FIP1L1: variants seen among roughly 807,000 people sequenced by gnomAD.
FIP1L1 encodes pre-mRNA 3'-end-processing factor FIP1.
Under a neutral mutation model 84.6 loss-of-function variants are expected in FIP1L1, and 21 were observed. That is an observed-to-expected ratio of 0.25 (90% CI 0.18 to 0.36). FIP1L1 has a LOEUF of 0.36. FIP1L1 is among the 10% of genes least tolerant of loss of function. The probability of loss-of-function intolerance (pLI) is 1.00; values close to 1 mark genes in which losing one functional copy is unlikely to be tolerated. For synonymous variants in FIP1L1, 263 were observed against 242.3 expected (o/e 1.09, Z -0.80); for missense variants, 526 against 751.1 (o/e 0.70, Z 3.50).
intron 10 of FIP1L1, among the ~76,000 whole-genome samples, chr4:53,405,275 C>G (rs1560515117): frequency 2.6e-5 from 4 of 152,078 alleles, no homozygotes; most frequent in African/African-American, 7.2e-5. Context: ...AATCCTTTCC[C>G]CATTGCTTGT....
intron 4 of FIP1L1, 75 bp from the exon 5 acceptor site, chr4:53,383,698 C>A: frequency 7.3e-7 from 1 of 1,369,658 alleles, no homozygotes; most frequent in Non-Finnish European, 9.8e-7. Context: ...AGGGTGGTTA[C>A]TTTTTTTAGT....
intron 9 of FIP1L1, among the ~76,000 whole-genome samples, chr4:53,396,157 G>A (rs1747208419): frequency 1.3e-5 from 2 of 152,210 alleles, no homozygotes; most frequent in South Asian, 2.1e-4. Context: ...GACCTCAGGT[G>A]ATCCACCCGC....
chr4:53,405,768 C>T (rs1475710151), intron 10 of FIP1L1, among the ~76,000 whole-genome samples: 2 of 150,366 alleles, frequency 1.3e-5, no homozygotes, highest in African/African-American at 4.9e-5. Flanking sequence ...CTCTTTGTAG[C>T]AATTGTGAAT....
chr4:53,396,855 C>G (rs1747677187), intron 9 of FIP1L1, among the ~76,000 whole-genome samples: 1 of 152,146 alleles, frequency 6.6e-6, no homozygotes, highest in Non-Finnish European at 1.5e-5. Context: ...AACCAGTGAA[C>G]CATTTATTTT....
chr4:53,391,097 A>T lies in FIP1L1; in HGVS notation c.594A>T (p.Gly198=). 6.2e-7 allele frequency: 1 copy of T among 1,611,926 alleles called. No homozygotes were observed. ...YCEKQKRIRM[G]LEVIPVTSTT... ...AAAAACAAAAGAGGATACGAATGGGACTTGAAGTTATACCAGTAACCTCTA... is the reference window on the plus strand; with the variant it reads ...AAAAACAAAAGAGGATACGAATGGGTCTTGAAGTTATACCAGTAACCTCTA... Residue 198 remains glycine (G), a synonymous_variant, in exon 8 of 18, where the codon GGA becomes GGT. Coordinates refer to ENST00000337488, the MANE Select transcript of FIP1L1 (RefSeq NM_030917.4).
intron 11 of FIP1L1, among the ~76,000 whole-genome samples, chr4:53,425,432 G>A (rs998100101): frequency 2.6e-5 from 4 of 152,000 alleles, no homozygotes; most frequent in African/African-American, 7.2e-5. Context: ...AATATCTTGT[G>A]TATGTTAAAA....
At position 53,459,856 on chromosome 4, in the gene FIP1L1, T is replaced by TGAGA. The variant is rs769238111; in HGVS notation, c.*408_*411dup. The TGAGA allele has an allele frequency of 1.4e-4, 34 of 246,820 alleles. No individual in the cohort carries two copies. The highest frequency in any genetic ancestry group is 2.6e-4 in the Non-Finnish European group (33 of 126,774). 15.3% of individuals were successfully genotyped at this position (246,820 alleles called of 1,614,324 possible). A position where few individuals can be genotyped will look rare whatever the true frequency, so the allele number is the denominator to read the frequency against. On this transcript the variant is annotated 3_prime_UTR_variant, in exon 18 of 18. Transcript: ENST00000337488. ...GGCAACAAAGGGCCCCTCTAAGGCTTGAGATTAAAACTAGTCTTTATCATT... is the reference window on the plus strand; with the variant it reads ...GGCAACAAAGGGCCCCTCTAAGGCTTGAGAGAGATTAAAACTAGTCTTTATCATT...
intron 15 of FIP1L1, 33 bp downstream of exon 15, chr4:53,444,136 T>A: frequency 1.5e-6 from 2 of 1,337,332 alleles, no homozygotes; most frequent in Non-Finnish European, 2.2e-6. Flanking sequence ...CTAGATTCAG[T>A]TTGAATCAGT....
At chr4:53,403,311 A>G (rs1428414937) in intron 10 of FIP1L1, among the ~76,000 whole-genome samples, 4 of 152,210 alleles carry the variant, frequency 2.6e-5, no homozygotes, top group Non-Finnish European at 4.4e-5. Context: ...AATTACCTGT[A>G]GTATGTTACA....
chr4:53,424,062 A>G lies in FIP1L1; in HGVS notation c.924-1810A>G, dbSNP rs116944552. Reference sequence around the variant, plus strand: ...CTATCTGACTTGCAAGTCCAAACAAATTTGGTAGAATTTGTTCTTGATGGG... The same window carrying G: ...CTATCTGACTTGCAAGTCCAAACAAGTTTGGTAGAATTTGTTCTTGATGGG... On this transcript the variant is annotated intron_variant, in intron 11 of 17. Transcript: ENST00000337488. 5.1e-4 allele frequency among the ~76,000 whole-genome samples: 78 copies of G among 152,278 alleles called. 1 individual carries two copies. In the East Asian group the frequency reaches 0.014, roughly 28 times the overall value.
intron 13 of FIP1L1, among the ~76,000 whole-genome samples, chr4:53,431,219 T>C (rs757757565): frequency 2.6e-5 from 4 of 152,208 alleles, no homozygotes; most frequent in Non-Finnish European, 5.9e-5. Context: ...TGCATAGATA[T>C]ATGCCAGCTG....
At chr4:53,440,636 C>CATTGTTAAT in intron 13 of FIP1L1, 1 of 1,455,906 alleles carries the variant, frequency 6.9e-7, no homozygotes, top group Non-Finnish European at 9.5e-7. Flanking sequence ...TTTTCTCCAT[C>CATTGTTAAT]ATTGTTAATA....
At position 53,419,725 on chromosome 4, in the gene FIP1L1, G is replaced by T. The variant is rs75647928; in HGVS notation, c.923+5003G>T. On this transcript the variant is annotated intron_variant, in intron 11 of 17. Coordinates refer to ENST00000337488, the MANE Select transcript of FIP1L1 (RefSeq NM_030917.4). Reference sequence around the variant, plus strand: ...CCAAATCACACCTGAGATTACAGGTGTGAGCCACTATGCCGGCCCCATATA... The same window carrying T: ...CCAAATCACACCTGAGATTACAGGTTTGAGCCACTATGCCGGCCCCATATA... 3.1e-3 allele frequency among the ~76,000 whole-genome samples: 465 copies of T among 152,230 alleles called. 3 individuals carry two copies. The highest frequency in any genetic ancestry group is 0.011 in the African/African-American group (442 of 41,536).
chr4:53,432,825 A>AGGTAC (rs1480937612), intron 13 of FIP1L1, among the ~76,000 whole-genome samples: 1 of 152,164 alleles, frequency 6.6e-6, no homozygotes, highest in Non-Finnish European at 1.5e-5. Flanking sequence ...ATCAGTACCT[A>AGGTAC]TATCCAGAAA....
rs544523617 is a variant in FIP1L1, at chr4:53,424,242, A to C, written c.924-1630A>C. Reference sequence around the variant, plus strand: ...AGAATGCACACCTGTATTTAGTAGGATGTTGGAATATGAAATGTTTGTATA... The same window carrying C: ...AGAATGCACACCTGTATTTAGTAGGCTGTTGGAATATGAAATGTTTGTATA... On this transcript the variant is annotated intron_variant, in intron 11 of 17. Transcript: ENST00000337488. Among the ~76,000 whole-genome samples, 10 of 152,258 alleles carry C rather than the reference A, an allele frequency of 6.6e-5. No homozygotes were observed. The East Asian group carries it at 1.9e-3, about 29-fold the overall frequency.
intron 13 of FIP1L1, among the ~76,000 whole-genome samples, chr4:53,436,077 G>A (rs147853569): frequency 1.3e-5 from 2 of 151,990 alleles, no homozygotes; most frequent in Admixed American, 6.6e-5. Context: ...AATAGGAAGC[G>A]TAGTTTACAT....
At chr4:53,417,473 C>G (rs1759999836) in intron 11 of FIP1L1, among the ~76,000 whole-genome samples, 1 of 151,794 alleles carries the variant, frequency 6.6e-6, no homozygotes. Context: ...GAAACCCCGT[C>G]TCTACTAAAA....
At chr4:53,453,215 A>G in intron 16 of FIP1L1, 82 bp downstream of exon 16, 3 of 1,522,838 alleles carry the variant, frequency 2.0e-6, no homozygotes, top group Non-Finnish European at 2.7e-6. Flanking sequence ...AGTGAATTTC[A>G]GTTCACTTGG....
At chr4:53,406,611 A>G (rs1215491819) in intron 10 of FIP1L1, among the ~76,000 whole-genome samples, 1 of 152,200 alleles carries the variant, frequency 6.6e-6, no homozygotes, top group Non-Finnish European at 1.5e-5. Flanking sequence ...TACCTCTGGT[A>G]GAATTCGGCT....
Sources: gnomAD v4.1 joint callset for allele counts (sites outside exome capture counted in the v4.1 genomes callset) on GRCh38, gnomAD v4.1.1 for gene constraint, MANE v1.5 for transcripts, NCBI Gene and HGNC (gene_info 2026-07-23, HGNC 2026-07-21) for gene names.